PCP4: variants seen among roughly 807,000 people sequenced by gnomAD.
The protein encoded by PCP4 is calmodulin regulator protein PCP4.
In PCP4, 8 loss-of-function variants were observed where a neutral mutation model predicts 10.0. That is an observed-to-expected ratio of 0.80 (90% CI 0.47 to 1.45). PCP4 has a LOEUF of 1.45. PCP4 is among the 40% of genes most tolerant of loss of function. PCP4 has a pLI of 0.00. For missense variants in PCP4, 54 were observed against 74.4 expected, an observed-to-expected ratio of 0.73 and a Z score of 1.01; for synonymous variants, 21 against 23.0, an observed-to-expected ratio of 0.91 and a Z score of 0.24.
At chr21:39,899,199 C>G (rs894522237) in intron 2 of PCP4, among the ~76,000 whole-genome samples, 1 of 152,086 alleles carries the variant, frequency 6.6e-6, no homozygotes, top group African/African-American at 2.4e-5. Flanking sequence ...CCAGTTGGAA[C>G]CCCAGGTCTC....
chr21:39,916,955 G>A (rs2087571195), intron 2 of PCP4, among the ~76,000 whole-genome samples: 1 of 152,166 alleles, frequency 6.6e-6, no homozygotes, highest in Admixed American at 6.5e-5. Flanking sequence ...GGGAGGGAGA[G>A]CATCAGGAAG....
chr21:39,884,972 G>C (rs1329144792), intron 1 of PCP4, among the ~76,000 whole-genome samples: 1 of 152,198 alleles, frequency 6.6e-6, no homozygotes, highest in Non-Finnish European at 1.5e-5. Context: ...ACACCGTTTT[G>C]AGTATAGCAT....
At chr21:39,881,699 A>G (rs1291800225) in intron 1 of PCP4, among the ~76,000 whole-genome samples, 1 of 152,136 alleles carries the variant, frequency 6.6e-6, no homozygotes, top group Admixed American at 6.5e-5. Context: ...CATTTCCACA[A>G]TGTTGCTTTA....
At chr21:39,887,331 T>TA (rs1448362761) in intron 1 of PCP4, among the ~76,000 whole-genome samples, 1 of 124,852 alleles carries the variant, frequency 8.0e-6, no homozygotes. Flanking sequence ...CACTTTTTTT[T>TA]AACCAACTTT....
At chr21:39,896,996 G>T (rs2087459736) in intron 1 of PCP4, among the ~76,000 whole-genome samples, 1 of 152,012 alleles carries the variant, frequency 6.6e-6, no homozygotes, top group Admixed American at 6.6e-5. Flanking sequence ...CAATTCCTGA[G>T]GTCAAGGAAG....
intron 2 of PCP4, among the ~76,000 whole-genome samples, chr21:39,924,216 G>A (rs550349130): frequency 2.0e-5 from 3 of 152,272 alleles, no homozygotes; most frequent in Non-Finnish European, 2.9e-5. Flanking sequence ...CTCTGGCCAC[G>A]CCATGCCCAG....
At chr21:39,882,199 T>G (rs1262366510) in intron 1 of PCP4, among the ~76,000 whole-genome samples, 1 of 152,222 alleles carries the variant, frequency 6.6e-6, no homozygotes, top group East Asian at 1.9e-4. Flanking sequence ...AACCGCAGGT[T>G]TGGCCTGTGT....
chr21:39,905,736 A>G (rs979943394), intron 2 of PCP4, among the ~76,000 whole-genome samples: 3 of 152,168 alleles, frequency 2.0e-5, no homozygotes, highest in African/African-American at 7.2e-5. Flanking sequence ...AATTCTTTAC[A>G]TCTATAGGCT....
At chr21:39,876,289 C>T (rs2087345337) in intron 1 of PCP4, among the ~76,000 whole-genome samples, 1 of 152,152 alleles carries the variant, frequency 6.6e-6, no homozygotes, top group African/African-American at 2.4e-5. Context: ...CGCCCCTATC[C>T]TCTGGCAAAC....
chr21:39,882,511 C>G (rs1229790636), intron 1 of PCP4, among the ~76,000 whole-genome samples: 1 of 152,184 alleles, frequency 6.6e-6, no homozygotes, highest in Non-Finnish European at 1.5e-5. Context: ...AAAGATGTGT[C>G]TTTCTCTGTG....
At chr21:39,879,795 A>T (rs1175249749) in intron 1 of PCP4, among the ~76,000 whole-genome samples, 1 of 152,232 alleles carries the variant, frequency 6.6e-6, no homozygotes. Context: ...TCAGACATCC[A>T]TAAAAGCCTG....
chr21:39,923,107 G>C (rs1021628197), intron 2 of PCP4, among the ~76,000 whole-genome samples: 1 of 152,160 alleles, frequency 6.6e-6, no homozygotes, highest in East Asian at 1.9e-4. Flanking sequence ...CAGGACCTGC[G>C]GCAAATACAA....
In PCP4 at chr21:39,923,520, G is replaced by T. The variant is rs115097245; in HGVS notation, c.62-5464G>T. ...ACTAAGACTGTAGTTTTTATTTGAG[G>T]ACTGGAGTATGGAGGCATCCTCAGG... On this transcript the variant is annotated intron_variant, in intron 2 of 2. Coordinates refer to ENST00000328619, the MANE Select transcript of PCP4 (RefSeq NM_006198.3). Among the ~76,000 whole-genome samples, 1,233 of 152,276 alleles carry T rather than the reference G, an allele frequency of 8.1e-3. 15 individuals carry two copies. The highest frequency in any genetic ancestry group is 0.029 in the African/African-American group (1,187 of 41,544).
chr21:39,874,086 C>G (rs545583785), intron 1 of PCP4, among the ~76,000 whole-genome samples: 1 of 152,244 alleles, frequency 6.6e-6, no homozygotes, highest in African/African-American at 2.4e-5. Context: ...ACTCATAAAG[C>G]AGGAAGGTAA....
At chr21:39,912,688 G>A (rs1456211319) in intron 2 of PCP4, among the ~76,000 whole-genome samples, 5 of 152,026 alleles carry the variant, frequency 3.3e-5, no homozygotes, top group East Asian at 1.9e-4. Context: ...GTGTCAGAAC[G>A]TTATTATTTT....
chr21:39,873,345 A>G (rs1401177484), intron 1 of PCP4, among the ~76,000 whole-genome samples: 2 of 152,232 alleles, frequency 1.3e-5, no homozygotes, highest in African/African-American at 2.4e-5. Flanking sequence ...AGCAAGTTCC[A>G]TATTATTGCA....
At position 39,906,781 on chromosome 21, in the gene PCP4, C is replaced by T. The variant is rs925353372; in HGVS notation, c.61+8254C>T. On this transcript the variant is annotated intron_variant, in intron 2 of 2. Coordinates refer to ENST00000328619, the MANE Select transcript of PCP4 (RefSeq NM_006198.3). This position sits in a 1 kb window ranked among gnomAD's most constrained non-coding sequence, Gnocchi z 6.3. ...TTCTCAATGAATTACTCTTAAAGATCTTCAAGATCTTGGCCATGAAGCAGC... is the reference window on the plus strand; with the variant it reads ...TTCTCAATGAATTACTCTTAAAGATTTTCAAGATCTTGGCCATGAAGCAGC... Among the ~76,000 whole-genome samples the T allele has an allele frequency of 5.3e-5, 8 of 152,174 alleles. No individual in the cohort carries two copies. Among genetic ancestry groups the T allele is most frequent in the African/African-American group, 1.9e-4 (8 of 41,440 alleles).
intron 1 of PCP4, among the ~76,000 whole-genome samples, chr21:39,885,859 C>T (rs905886036): frequency 6.6e-6 from 1 of 152,242 alleles, no homozygotes; most frequent in African/African-American, 2.4e-5. Context: ...CTGCGGGCAG[C>T]TTAAACAACA....
intron 2 of PCP4, among the ~76,000 whole-genome samples, chr21:39,926,387 C>A (rs900041471): frequency 2.0e-5 from 3 of 152,102 alleles, no homozygotes; most frequent in Non-Finnish European, 4.4e-5. Flanking sequence ...AATAATATTG[C>A]CGCTTTCTTC....
Sources: gnomAD v4.1 joint callset for allele counts (sites outside exome capture counted in the v4.1 genomes callset) on GRCh38, gnomAD v4.1.1 for gene constraint, Gnocchi (gnomAD v3.1) non-coding constraint, MANE v1.5 for transcripts, NCBI Gene and HGNC (gene_info 2026-07-23, HGNC 2026-07-21) for gene names.